Variants in ELFN1 observed in about 807,000 individuals in gnomAD.
The protein encoded by ELFN1 is protein ELFN1.
In ELFN1, 6 loss-of-function variants were observed where a neutral mutation model predicts 7.6. That is an observed-to-expected ratio of 0.79 (90% CI 0.43 to 1.56). The LOEUF (loss-of-function observed/expected upper bound fraction) is 1.56. ELFN1 is among the 40% of genes most tolerant of loss of function. The pLI is 0.01. For synonymous variants in ELFN1, 657 were observed against 588.1 expected (o/e 1.12, Z -1.70); for missense variants, 1,169 against 1,232.2 (o/e 0.95, Z 0.77).
At position 1,673,432 on chromosome 7, in the gene ELFN1, A is replaced by C. The variant is rs997516415; in HGVS notation, c.-549+3078A>C. On this transcript the variant is annotated intron_variant, in intron 1 of 3. Coordinates refer to ENST00000424383, the MANE Select transcript of ELFN1 (RefSeq NM_001128636.4). The surrounding 1 kb of genome is among the most constrained non-coding windows in gnomAD (Gnocchi z 4.7). ...CCCTGAGCCAGTCAGTGGCACCGAC[A>C]GTAAACAGGAAGCAGGGTGGCAGCT... Among the ~76,000 whole-genome samples the C allele has an allele frequency of 6.6e-6, 1 of 152,190 alleles. No homozygotes were observed. Among genetic ancestry groups the C allele is most frequent in the Non-Finnish European group, 1.5e-5 (1 of 68,022 alleles).
At chr7:1,675,565 ACACAG>A (rs1440243634) in intron 1 of ELFN1, among the ~76,000 whole-genome samples, 1 of 152,066 alleles carries the variant, frequency 6.6e-6, no homozygotes, top group Non-Finnish European at 1.5e-5. Context: ...ACAGATACAA[ACACAG>A]CCAGCCATGT....
chr7:1,729,611 GTTAA>G (rs1780283318), intron 3 of ELFN1, among the ~76,000 whole-genome samples: 1 of 152,224 alleles, frequency 6.6e-6, no homozygotes, highest in Admixed American at 6.5e-5. Context: ...CAGCGCCTTG[GTTAA>G]GGCTGTCTCA....
In ELFN1 at chr7:1,740,845, C is replaced by G. The variant is rs943740920; in HGVS notation, c.-293-3459C>G. On this transcript the variant is annotated intron_variant, in intron 3 of 3. Coordinates refer to ENST00000424383, the MANE Select transcript of ELFN1 (RefSeq NM_001128636.4). The surrounding 1 kb of genome is among the most constrained non-coding windows in gnomAD (Gnocchi z 5.0). The stretch of plus-strand genomic sequence containing the variant: ...CTGCAGAATGAAAACTTCGGGGCCC[C>G]TTGGCTGGGCATGGTGGCTCACGCC... Among the ~76,000 whole-genome samples, 6 of 152,176 alleles carry G rather than the reference C, an allele frequency of 3.9e-5. No homozygotes were observed. Among genetic ancestry groups the G allele is most frequent in the African/African-American group, 1.4e-4 (6 of 41,444 alleles).
At chr7:1,721,228 A>G (rs1583367965) in intron 3 of ELFN1, among the ~76,000 whole-genome samples, 1 of 151,896 alleles carries the variant, frequency 6.6e-6, no homozygotes, top group Admixed American at 6.6e-5. Context: ...TCACTCACTC[A>G]CCCTCCTCCT....
chr7:1,687,562 G>A (rs1241965609), intron 1 of ELFN1, among the ~76,000 whole-genome samples: 2 of 151,926 alleles, frequency 1.3e-5, no homozygotes, highest in African/African-American at 4.8e-5. Context: ...TCTCAAAATA[G>A]AAAATTTAAT....
intron 1 of ELFN1, among the ~76,000 whole-genome samples, chr7:1,676,407 C>T (rs1778872549): frequency 6.6e-6 from 1 of 152,216 alleles, no homozygotes; most frequent in Non-Finnish European, 1.5e-5. Context: ...TGGGGAGCCT[C>T]TGGTGTTCGG....
chr7:1,704,472 C>T (rs1779489308), intron 2 of ELFN1, among the ~76,000 whole-genome samples: 1 of 152,164 alleles, frequency 6.6e-6, no homozygotes, highest in African/African-American at 2.4e-5. Flanking sequence ...CATGTGCACA[C>T]GTGCTCACAC....
intron 3 of ELFN1, among the ~76,000 whole-genome samples, chr7:1,723,311 A>G (rs146025528): frequency 1.1e-3 from 169 of 152,370 alleles, no homozygotes; most frequent in African/African-American, 3.8e-3. Flanking sequence ...AGACCTCCAC[A>G]ACGTTATCGT....
chr7:1,725,527 C>T (rs1306591434), intron 3 of ELFN1, among the ~76,000 whole-genome samples: 1 of 152,118 alleles, frequency 6.6e-6, no homozygotes, highest in Non-Finnish European at 1.5e-5. Context: ...CCTCCCGGGC[C>T]GGCTGCCTCT....
rs754663020 is a variant in ELFN1, at chr7:1,744,620, G to T, written c.24G>T (p.Ala8=). The T allele has an allele frequency of 1.1e-4, 175 of 1,545,112 alleles. No individual in the cohort carries two copies. The highest frequency in any genetic ancestry group is 1.7e-4 in the Middle Eastern group (1 of 5,882). MAGRGWG[A]LWVCVAAATL... is the part of the protein sequence containing the mutation. ...CGATGGCCGGGCGTGGGTGGGGCGC[G>T]CTGTGGGTGTGCGTGGCGGCCGCCA... The change falls in exon 4 of 4, where the codon GCG becomes GCT. Residue 8 remains alanine, a synonymous_variant. Transcript: ENST00000424383.
chr7:1,675,358 C>T (rs1056765751), intron 1 of ELFN1, among the ~76,000 whole-genome samples: 12 of 152,346 alleles, frequency 7.9e-5, no homozygotes, highest in African/African-American at 2.9e-4. Context: ...GTGACAGGTG[C>T]ACACCCCGGC....
intron 2 of ELFN1, among the ~76,000 whole-genome samples, chr7:1,694,836 C>A (rs1210805147): frequency 6.6e-6 from 1 of 152,190 alleles, no homozygotes; most frequent in Non-Finnish European, 1.5e-5. Context: ...CTGTCAGCTG[C>A]CCTGCACTTG....
chr7:1,725,859 C>T (rs932386349), intron 3 of ELFN1, among the ~76,000 whole-genome samples: 1 of 152,114 alleles, frequency 6.6e-6, no homozygotes, highest in African/African-American at 2.4e-5. Flanking sequence ...CAAAATAACA[C>T]ACAGTACACA....
chr7:1,702,810 C>A (rs1779456181), intron 2 of ELFN1, among the ~76,000 whole-genome samples: 1 of 151,178 alleles, frequency 6.6e-6, no homozygotes, highest in Non-Finnish European at 1.5e-5. Context: ...ATTTTTGTTT[C>A]TTTTTCTTGC....
rs1005871016 is a variant in ELFN1 at position 1,673,636 on chromosome 7, G to A, written c.-549+3282G>A. On this transcript the variant is annotated intron_variant, in intron 1 of 3. Coordinates refer to ENST00000424383, the MANE Select transcript of ELFN1 (RefSeq NM_001128636.4). The surrounding 1 kb of genome is among the most constrained non-coding windows in gnomAD (Gnocchi z 4.7). ...CTGATGGCAGACAAGGGCCAACTGT[G>A]TGCCCTACCTGGAGCCTGGGACAAA... 2.0e-5 allele frequency among the ~76,000 whole-genome samples: 3 copies of A among 152,226 alleles called. No homozygotes were observed. Among genetic ancestry groups the A allele is most frequent in the Admixed American group, 6.5e-5 (1 of 15,286 alleles).
At position 1,740,311 on chromosome 7, in the gene ELFN1, G is replaced by T. The variant is rs1435365311; in HGVS notation, c.-293-3993G>T. 6.6e-6 allele frequency among the ~76,000 whole-genome samples: 1 copy of T among 152,230 alleles called. No homozygotes were observed. Reference sequence around the variant, plus strand: ...GGGGCCTTGTGGTCCACGCCCATACGAGCCTCTGGGTCTGAGGCAGCAAGT... The same window carrying T: ...GGGGCCTTGTGGTCCACGCCCATACTAGCCTCTGGGTCTGAGGCAGCAAGT... On this transcript the variant is annotated intron_variant, in intron 3 of 3. Transcript: ENST00000424383. The surrounding 1 kb of genome is among the most constrained non-coding windows in gnomAD (Gnocchi z 5.0).
intron 1 of ELFN1, among the ~76,000 whole-genome samples, chr7:1,682,468 T>C (rs1423327717): frequency 2.0e-5 from 3 of 152,054 alleles, no homozygotes; most frequent in Admixed American, 6.6e-5. Flanking sequence ...AGAGACAGGG[T>C]CTTACTCTGT....
intron 3 of ELFN1, among the ~76,000 whole-genome samples, chr7:1,730,927 A>G (rs1583386086): frequency 6.6e-6 from 1 of 152,238 alleles, no homozygotes; most frequent in Non-Finnish European, 1.5e-5. Flanking sequence ...GAGAAAAAAA[A>G]TGACTTAATA....
chr7:1,696,465 C>G (rs113895091), intron 2 of ELFN1, among the ~76,000 whole-genome samples: 1 of 151,106 alleles, frequency 6.6e-6, no homozygotes, highest in Non-Finnish European at 1.5e-5. Flanking sequence ...AATCACAGAT[C>G]ACTGCAGCCT....
Sources: allele counts gnomAD v4.1 joint callset (sites outside exome capture counted in the v4.1 genomes callset), GRCh38; gene constraint gnomAD v4.1.1; non-coding constraint Gnocchi (gnomAD v3.1); transcripts MANE v1.5; gene names NCBI Gene and HGNC (gene_info 2026-07-23, HGNC 2026-07-21).